ARHGEF18: variants seen among roughly 807,000 people sequenced by gnomAD.
ARHGEF18 encodes rho guanine nucleotide exchange factor 18.
Under a neutral mutation model 155.7 loss-of-function variants are expected in ARHGEF18, and 93 were observed. The ratio of observed to expected loss-of-function variants is 0.60; its 90% CI spans 0.50 to 0.71. The LOEUF (loss-of-function observed/expected upper bound fraction) is 0.71. Ranked by LOEUF, ARHGEF18 falls within the 30% of genes least tolerant of loss-of-function variation. The probability of loss-of-function intolerance (pLI) is 0.00; values close to 1 mark genes in which losing one functional copy is unlikely to be tolerated. For missense variants in ARHGEF18, 1,593 were observed against 1,816.1 expected, an observed-to-expected ratio of 0.88 and a Z score of 2.23; for synonymous variants, 742 against 753.1, an observed-to-expected ratio of 0.99 and a Z score of 0.24.
intron 10 of ARHGEF18, among the ~76,000 whole-genome samples, chr19:7,409,763 TCTTTC>T (rs1174647295): frequency 1.1e-3 from 78 of 69,052 alleles, no homozygotes; most frequent in African/African-American, 3.2e-3. Context: ...TTTCTTTCTT[TCTTTC>T]TTTTTTTTTT....
At chr19:7,385,980 C>T (rs1971045880) in intron 10 of ARHGEF18, among the ~76,000 whole-genome samples, 1 of 124,868 alleles carries the variant, frequency 8.0e-6, no homozygotes, top group Non-Finnish European at 1.7e-5. Context: ...CTCCCTCTCT[C>T]CCTCTCTCTC....
intron 10 of ARHGEF18, among the ~76,000 whole-genome samples, chr19:7,400,741 G>C (rs1253593646): frequency 6.6e-6 from 1 of 152,172 alleles, no homozygotes; most frequent in African/African-American, 2.4e-5. Context: ...GGCTGGAATG[G>C]AAGGATTGCT....
At chr19:7,410,436 C>A (rs1469830696) in intron 10 of ARHGEF18, among the ~76,000 whole-genome samples, 1 of 151,478 alleles carries the variant, frequency 6.6e-6, no homozygotes, top group Non-Finnish European at 1.5e-5. Context: ...GTATATAAAT[C>A]TTCCAGCTTT....
Position 7,471,134 on chromosome 19 carries a change from C to T in ARHGEF18, c.*836C>T, listed in dbSNP as rs1976997438. The T allele has an allele frequency of 3.7e-6, 1 of 269,572 alleles. No homozygotes were observed. Among genetic ancestry groups the T allele is most frequent in the African/African-American group, 2.2e-5 (1 of 45,470 alleles). 16.7% of individuals were successfully genotyped at this position (269,572 alleles called of 1,614,324 possible). A position where few individuals can be genotyped will look rare whatever the true frequency, so the allele number is the denominator to read the frequency against. ...TAGCTTCAGCCAGGGCGGGTACACA[C>T]CCTGGGCACAGGGTCCTCAGCCCCC... is the stretch of plus-strand genomic sequence containing the variant. On this transcript the variant is annotated 3_prime_UTR_variant, in exon 29 of 29. Coordinates refer to ENST00000668164, the MANE Select transcript of ARHGEF18 (RefSeq NM_001367823.1). This position sits in a 1 kb window ranked among gnomAD's most constrained non-coding sequence, Gnocchi z 4.4.
At chr19:7,439,736 G>A in intron 10 of ARHGEF18, 1 of 1,366,168 alleles carries the variant, frequency 7.3e-7, no homozygotes, top group East Asian at 2.8e-5. Context: ...CCTAACATCT[G>A]ATCTAGATTA....
At chr19:7,376,141 G>A (rs1051277155) in intron 4 of ARHGEF18, among the ~76,000 whole-genome samples, 1 of 152,146 alleles carries the variant, frequency 6.6e-6, no homozygotes, top group Non-Finnish European at 1.5e-5. Flanking sequence ...AAGGGGATGG[G>A]GGATGTCTTA....
intron 10 of ARHGEF18, among the ~76,000 whole-genome samples, chr19:7,396,392 C>T (rs1971709666): frequency 6.6e-6 from 1 of 152,062 alleles, no homozygotes; most frequent in East Asian, 1.9e-4. Context: ...TTGCAGGTGT[C>T]TGAGTGAATG....
chr19:7,355,427 G>C (rs564159355), intron 1 of ARHGEF18, among the ~76,000 whole-genome samples: 2 of 152,334 alleles, frequency 1.3e-5, no homozygotes, highest in East Asian at 3.9e-4. Context: ...GTGCTAAAGG[G>C]CTTGGCTTCT....
At position 7,444,027 on chromosome 19, in the gene ARHGEF18, C is replaced by T. The variant is rs118098369; in HGVS notation, c.1361-177C>T. ...CCCCTGCTCCTTCAGGCTGGGATCC[C>T]CCGCAGCATTCTAAACCCTGGACAC... On this transcript the variant is annotated intron_variant, in intron 13 of 28. Transcript: ENST00000668164. The surrounding 1 kb of genome is among the most constrained non-coding windows in gnomAD (Gnocchi z 4.7). 0.01 allele frequency among the ~76,000 whole-genome samples: 1,543 copies of T among 152,282 alleles called. 11 individuals carry two copies. Among genetic ancestry groups the T allele is most frequent in the South Asian group, 0.024 (114 of 4,820 alleles).
intron 3 of ARHGEF18, 122 bp from the exon 4 acceptor site, chr19:7,375,598 C>A: frequency 4.9e-6 from 5 of 1,017,178 alleles, no homozygotes; most frequent in Non-Finnish European, 6.3e-6. Flanking sequence ...CTGTGGCTTG[C>A]GCACCCTTCC....
chr19:7,405,513 T>C (rs1373048923), intron 10 of ARHGEF18, among the ~76,000 whole-genome samples: 2 of 152,190 alleles, frequency 1.3e-5, no homozygotes, highest in African/African-American at 4.8e-5. Context: ...AAGTCCATAT[T>C]CCAGGGTTCT....
rs1976926404 is a variant in ARHGEF18, at chr19:7,470,043, C to T, written c.3913+14C>T. ...CGCCCCCACCAGGTGAGCCCCCACC[C>T]CCTGACATGAGCCCAGTCCCAGGGC... is the stretch of plus-strand genomic sequence containing the variant. On this transcript the variant is annotated intron_variant, in intron 28 of 28. Transcript: ENST00000668164. This position sits in a 1 kb window ranked among gnomAD's most constrained non-coding sequence, Gnocchi z 5.9. The T allele has an allele frequency of 6.2e-7, 1 of 1,612,342 alleles. No homozygotes were observed. Among genetic ancestry groups the T allele is most frequent in the Non-Finnish European group, 8.5e-7 (1 of 1,179,706 alleles).
downstream of ARHGEF18, among the ~76,000 whole-genome samples, chr19:7,475,919 C>G (rs1396468118): frequency 6.6e-6 from 1 of 152,224 alleles, no homozygotes; most frequent in Non-Finnish European, 1.5e-5. Context: ...GGAAACCCAC[C>G]AAGCCTGGCC....
chr19:7,359,400 T>C (rs11668341), intron 1 of ARHGEF18, among the ~76,000 whole-genome samples: 29,491 of 151,980 alleles, frequency 0.19, 3,463 homozygotes, highest in Non-Finnish European at 0.26. Context: ...GCTCATAATA[T>C]TGGAATCAGG....
chr19:7,394,570 C>A (rs763985688), intron 10 of ARHGEF18, among the ~76,000 whole-genome samples: 23 of 151,704 alleles, frequency 1.5e-4, no homozygotes, highest in Non-Finnish European at 2.6e-4. Context: ...CCGCTATCCT[C>A]CCTCGGGGTC....
At chr19:7,409,705 G>A (rs914065828) in intron 10 of ARHGEF18, among the ~76,000 whole-genome samples, 1 of 151,784 alleles carries the variant, frequency 6.6e-6, no homozygotes, top group African/African-American at 2.4e-5. Context: ...GCCTCCCAGA[G>A]TGTTGGGATT....
At chr19:7,374,958 AC>A (rs1254223600) in intron 3 of ARHGEF18, among the ~76,000 whole-genome samples, 1 of 151,932 alleles carries the variant, frequency 6.6e-6, no homozygotes, top group Non-Finnish European at 1.5e-5. Flanking sequence ...GTGTCCCTCA[AC>A]CCCTTCCAAG....
intron 15 of ARHGEF18, among the ~76,000 whole-genome samples, chr19:7,450,668 C>T (rs1600488866): frequency 6.6e-6 from 1 of 152,310 alleles, no homozygotes; most frequent in Non-Finnish European, 1.5e-5. Flanking sequence ...CTGTCCATTT[C>T]CGAGATGTTA....
intron 10 of ARHGEF18, among the ~76,000 whole-genome samples, chr19:7,431,477 C>G (rs1040678225): frequency 7.3e-6 from 1 of 137,826 alleles, no homozygotes; most frequent in African/African-American, 2.7e-5. Flanking sequence ...TGCCACTGCA[C>G]TCCAGCCTGG....
Sources: gnomAD v4.1 joint callset for allele counts (sites outside exome capture counted in the v4.1 genomes callset) on GRCh38, gnomAD v4.1.1 for gene constraint, Gnocchi (gnomAD v3.1) non-coding constraint, MANE v1.5 for transcripts, NCBI Gene and HGNC (gene_info 2026-07-23, HGNC 2026-07-21) for gene names.